Variants in ILKAP observed in about 807,000 individuals in gnomAD.
The protein encoded by ILKAP is integrin-linked kinase-associated serine/threonine phosphatase 2C.
A neutral mutation model predicts 49.1 loss-of-function variants in ILKAP; 11 were observed. The ratio of observed to expected loss-of-function variants is 0.22; its 90% CI spans 0.14 to 0.37. The LOEUF is 0.37. ILKAP is among the 10% of genes least tolerant of loss of function. ILKAP has a pLI of 1.00. For synonymous variants in ILKAP, 186 were observed against 192.8 expected (o/e 0.96, Z 0.29); for missense variants, 363 against 510.8 (o/e 0.71, Z 2.79).
chr2:238,184,155 G>A (rs944524942), intron 6 of ILKAP, 42 bp from the exon 7 acceptor site: 2 of 1,072,192 alleles, frequency 1.9e-6, no homozygotes, highest in Middle Eastern at 4.0e-4. Flanking sequence ...CTCAAGGAGG[G>A]AAGATTATCC....
chr2:238,199,253 G>C (rs562193691), intron 1 of ILKAP, among the ~76,000 whole-genome samples: 1 of 152,138 alleles, frequency 6.6e-6, no homozygotes, highest in South Asian at 2.1e-4. Context: ...GATAAGTGAC[G>C]CCACAATCAA....
At chr2:238,194,425 G>GA in intron 2 of ILKAP, 94 bp from the exon 3 acceptor site, 2 of 1,160,668 alleles carry the variant, frequency 1.7e-6, no homozygotes, top group Non-Finnish European at 1.3e-6. Context: ...GTAGGTTACT[G>GA]AAATAAACTC....
Position 238,170,516 on chromosome 2 carries a change from T to C in ILKAP, c.*20A>G. The C allele has an allele frequency of 6.3e-7, 1 of 1,579,006 alleles. No homozygotes were observed. The highest frequency in any genetic ancestry group is 8.6e-7 in the Non-Finnish European group (1 of 1,157,000). On this transcript the variant is annotated 3_prime_UTR_variant, in exon 12 of 12. Coordinates refer to ENST00000254654, the MANE Select transcript of ILKAP (RefSeq NM_030768.3). ...CCTTTTAAGTCAATACCATGCGTGC[T>C]CCTGGCCGCGCGCCACCCCTCAGTG...
chr2:238,192,899 A>G (rs1694197853), intron 3 of ILKAP, among the ~76,000 whole-genome samples: 1 of 149,840 alleles, frequency 6.7e-6, no homozygotes, highest in African/African-American at 2.5e-5. Context: ...TGTAGTCCCA[A>G]CTACTCAGGA....
chr2:238,198,303 A>G (rs1694429982), intron 1 of ILKAP, among the ~76,000 whole-genome samples: 1 of 151,866 alleles, frequency 6.6e-6, no homozygotes, highest in African/African-American at 2.4e-5. Context: ...CAGTGGTGTG[A>G]TCACAGCTCA....
intron 1 of ILKAP, among the ~76,000 whole-genome samples, chr2:238,199,213 T>C (rs1186265305): frequency 6.6e-6 from 1 of 152,230 alleles, no homozygotes; most frequent in Non-Finnish European, 1.5e-5. Flanking sequence ...TCCTTACTGA[T>C]GGGTTCAAGC....
chr2:238,193,782 G>A (rs539193781), intron 3 of ILKAP, among the ~76,000 whole-genome samples: 15 of 152,136 alleles, frequency 9.9e-5, no homozygotes, highest in Non-Finnish European at 2.1e-4. Flanking sequence ...TCCCCAACCA[G>A]AGGAGCTCTA....
At chr2:238,187,498 C>T (rs1329426920) in intron 5 of ILKAP, among the ~76,000 whole-genome samples, 1 of 152,058 alleles carries the variant, frequency 6.6e-6, no homozygotes, top group East Asian at 1.9e-4. Flanking sequence ...AATGTCCTAC[C>T]TTCTGGTTTT....
intron 1 of ILKAP, among the ~76,000 whole-genome samples, chr2:238,196,781 GA>G (rs1479848694): frequency 6.6e-6 from 1 of 152,170 alleles, no homozygotes; most frequent in Non-Finnish European, 1.5e-5. Flanking sequence ...ATACAAATGG[GA>G]AAATGTATTC....
intron 5 of ILKAP, chr2:238,185,739 G>C (rs1467627539): frequency 6.4e-6 from 1 of 155,272 alleles, no homozygotes; most frequent in Admixed American, 6.2e-5. Flanking sequence ...AGGAGGCGGA[G>C]CTTGCAGTGA....
rs761301489 is a variant in ILKAP at position 238,189,843 on chromosome 2, G to A, written c.298+10C>T. 12 of 1,612,440 alleles carry A rather than the reference G, an allele frequency of 7.4e-6. No individual in the cohort carries two copies. The highest frequency in any genetic ancestry group is 1.1e-5 in the South Asian group (1 of 90,972). ...AGTCTAATACATTTGTTTTCAAATT[G>A]TCTGAAAACCTTTACAAACTTTCTT... is the stretch of plus-strand genomic sequence containing the variant. On this transcript the variant is annotated intron_variant, in intron 4 of 11. Coordinates refer to ENST00000254654, the MANE Select transcript of ILKAP (RefSeq NM_030768.3).
At chr2:238,202,009 G>A (rs1318836672) in intron 1 of ILKAP, among the ~76,000 whole-genome samples, 3 of 152,276 alleles carry the variant, frequency 2.0e-5, no homozygotes, top group African/African-American at 7.2e-5. Flanking sequence ...CGGATCACCT[G>A]AGGTCAGGAG....
intron 5 of ILKAP, chr2:238,185,510 T>A (rs979682626): frequency 1.7e-5 from 7 of 422,588 alleles, no homozygotes; most frequent in Admixed American, 8.2e-5. Context: ...AAAAAAAAAA[T>A]ACTTGTGTGT....
chr2:238,202,686 A>G (rs1694618730), intron 1 of ILKAP, among the ~76,000 whole-genome samples: 1 of 152,154 alleles, frequency 6.6e-6, no homozygotes, highest in Admixed American at 6.5e-5. Flanking sequence ...AGTCTTGCAT[A>G]TGAAATATTC....
At chr2:238,184,151 G>A (rs772081627) in intron 6 of ILKAP, 38 bp from the exon 7 acceptor site, 47 of 1,129,356 alleles carry the variant, frequency 4.2e-5, no homozygotes, top group Admixed American at 1.7e-4. Flanking sequence ...ATCTCTCAAG[G>A]AGGGAAGATT....
intron 5 of ILKAP, 106 bp from the exon 6 acceptor site, chr2:238,185,393 GGAAGTCACACT>G (rs1263550882): frequency 1.4e-6 from 1 of 710,818 alleles, no homozygotes; most frequent in Non-Finnish European, 2.5e-6. Context: ...ATAAGTCAGA[GGAAGTCACACT>G]GGTTAAGACA....
At chr2:238,172,399 C>A (rs1398411390) in intron 10 of ILKAP, among the ~76,000 whole-genome samples, 2 of 152,216 alleles carry the variant, frequency 1.3e-5, no homozygotes, top group Admixed American at 1.3e-4. Flanking sequence ...ACTTGCCGAG[C>A]CTATCGTCCA....
intron 9 of ILKAP, among the ~76,000 whole-genome samples, chr2:238,179,287 G>A (rs1021859869): frequency 6.6e-6 from 1 of 152,222 alleles, no homozygotes; most frequent in Non-Finnish European, 1.5e-5. Flanking sequence ...AGGGAAAGAA[G>A]CAGAGGAGTG....
chr2:238,190,116 T>A, intron 3 of ILKAP, 144 bp from the exon 4 acceptor site: 1 of 722,290 alleles, frequency 1.4e-6, no homozygotes, highest in Non-Finnish European at 2.1e-6. Context: ...AGGAGTTGTG[T>A]CTTCATGGTT....
Sources: gnomAD v4.1 joint callset for allele counts (sites outside exome capture counted in the v4.1 genomes callset) on GRCh38, gnomAD v4.1.1 for gene constraint, MANE v1.5 for transcripts, NCBI Gene and HGNC (gene_info 2026-07-23, HGNC 2026-07-21) for gene names.